The following FBXO15 variants were observed in gnomAD, a reference collection of about 807,000 sequenced individuals.
FBXO15 encodes the protein F-box only protein 15.
Under a neutral mutation model 49.5 loss-of-function variants are expected in FBXO15, and 30 were observed. The ratio of observed to expected loss-of-function variants is 0.61; its 90% CI spans 0.45 to 0.82. FBXO15 has a LOEUF of 0.82. Among genes scored for constraint, FBXO15 ranks in the 40% least tolerant of loss-of-function variants. FBXO15 has a pLI of 0.00. For missense variants in FBXO15, 591 were observed against 631.5 expected (o/e 0.94, Z 0.69); for synonymous variants, 250 against 232.7 (o/e 1.07, Z -0.68).
At chr18:74,102,565 A>C (rs976716286) in intron 8 of FBXO15, among the ~76,000 whole-genome samples, 1 of 152,204 alleles carries the variant, frequency 6.6e-6, no homozygotes, top group Non-Finnish European at 1.5e-5. Flanking sequence ...AAAGAACTAA[A>C]AGTAGAACTA....
At position 74,112,499 on chromosome 18, in the gene FBXO15, G is replaced by A. The variant is rs750697834; in HGVS notation, c.1138+10869C>T. ...AATCCAGGAAAAAAACAGGAATACAGGGGAACTTTCTCAACTTAATAAAGA... is the reference window on the plus strand; with the variant it reads ...AATCCAGGAAAAAAACAGGAATACAAGGGAACTTTCTCAACTTAATAAAGA... On this transcript the variant is annotated intron_variant, in intron 8 of 9. Coordinates refer to ENST00000419743, the MANE Select transcript of FBXO15 (RefSeq NM_001142958.2). Among the ~76,000 whole-genome samples the A allele has an allele frequency of 2.8e-4, 42 of 152,086 alleles. 1 individual carries two copies. The highest frequency in any genetic ancestry group is 2.2e-3 in the Admixed American group (34 of 15,250).
In FBXO15 at chr18:74,129,627, A is replaced by G; in HGVS notation, c.576-13T>C. The G allele has an allele frequency of 6.3e-7, 1 of 1,593,642 alleles. No homozygotes were observed. Among genetic ancestry groups the G allele is most frequent in the Non-Finnish European group, 8.5e-7 (1 of 1,172,442 alleles). On this transcript the variant is annotated splice_polypyrimidine_tract_variant and intron_variant, in intron 4 of 9. Coordinates refer to ENST00000419743, the MANE Select transcript of FBXO15 (RefSeq NM_001142958.2). ...TAAACCAAATATTCTGGAGAAAGAA[A>G]AAAAAACTAACAATGTTTGCCTCAT...
intron 8 of FBXO15, among the ~76,000 whole-genome samples, chr18:74,111,261 CA>C (rs60236226): frequency 0.2 from 16,908 of 84,224 alleles, 2,166 homozygotes; most frequent in African/African-American, 0.47. Context: ...GTCTCTGTCT[CA>C]AAAAAAAAAA....
intron 9 of FBXO15, among the ~76,000 whole-genome samples, chr18:74,077,645 G>A (rs545649051): frequency 6.6e-6 from 1 of 152,242 alleles, no homozygotes; most frequent in Admixed American, 6.5e-5. Flanking sequence ...AGCAGGTGGG[G>A]AATAAGAAAA....
intron 2 of FBXO15, among the ~76,000 whole-genome samples, chr18:74,136,222 C>T (rs1308892219): frequency 6.6e-6 from 1 of 152,170 alleles, no homozygotes; most frequent in African/African-American, 2.4e-5. Context: ...TGCTCTGTTA[C>T]TCAGGCTAGA....
At chr18:74,129,705 A>G in intron 4 of FBXO15, 91 bp from the exon 5 acceptor site, 1 of 1,076,398 alleles carries the variant, frequency 9.3e-7, no homozygotes, top group Non-Finnish European at 1.3e-6. Context: ...TAAAGCATCT[A>G]GTTCCTTAAA....
chr18:74,101,325 G>C (rs1913509695), intron 8 of FBXO15, among the ~76,000 whole-genome samples: 1 of 152,116 alleles, frequency 6.6e-6, no homozygotes, highest in African/African-American at 2.4e-5. Context: ...CATCTCAGTA[G>C]ATGCTGTAAA....
intron 3 of FBXO15, among the ~76,000 whole-genome samples, chr18:74,135,186 G>A (rs533168445): frequency 6.6e-6 from 1 of 152,238 alleles, no homozygotes; most frequent in East Asian, 1.9e-4. Context: ...GATGACCACA[G>A]GTGAACCCCT....
intron 5 of FBXO15, among the ~76,000 whole-genome samples, chr18:74,126,805 A>G (rs1978289945): frequency 6.6e-6 from 1 of 152,268 alleles, no homozygotes; most frequent in Non-Finnish European, 1.5e-5. Flanking sequence ...GCTGCAGTCC[A>G]GCTTCAAAGT....
rs779530288 is a variant in FBXO15, at chr18:74,126,097, G to A, written c.790C>T (p.Arg264Ter). 18 of 1,613,370 alleles carry A rather than the reference G, an allele frequency of 1.1e-5. No homozygotes were observed. Among genetic ancestry groups the A allele is most frequent in the African/African-American group, 1.1e-4 (8 of 74,870 alleles). Residue 264 changes from arginine (R) to a stop codon, truncating the protein, a stop_gained, in exon 6 of 10, where the codon CGA (arginine) becomes TGA (stop). Transcript: ENST00000419743. LOFTEE classifies it high-confidence loss of function. ...TACTTTGCAATTAAAGAATGCCATC[G>A]GAGTCTTTGAACGTTATGCCAAGGA... The part of the protein sequence containing the change: ...WYKTPTKHRL[R>*]WHSLIAKYNL...
At position 74,075,795 on chromosome 18, in the gene FBXO15, T is replaced by C. The variant is rs1487620273; in HGVS notation, c.1264-2065A>G. Among the ~76,000 whole-genome samples the C allele has an allele frequency of 6.6e-6, 1 of 152,160 alleles. No homozygotes were observed. Among genetic ancestry groups the C allele is most frequent in the Non-Finnish European group, 1.5e-5 (1 of 68,028 alleles). ...CCCTGCAGCTCTCTACCCACTCCCA[T>C]TGCTGAGGTTCCTACAGCTTGGTCC... On this transcript the variant is annotated intron_variant, in intron 9 of 9. Transcript: ENST00000419743. The surrounding 1 kb of genome is among the most constrained non-coding windows in gnomAD (Gnocchi z 4.1).
chr18:74,131,324 C>T (rs965382627), intron 3 of FBXO15, among the ~76,000 whole-genome samples: 11 of 152,188 alleles, frequency 7.2e-5, no homozygotes, highest in African/African-American at 2.7e-4. Flanking sequence ...GTCCCCACTG[C>T]ATAGATGCTG....
At chr18:74,144,028 C>A (rs9952120) in intron 1 of FBXO15, among the ~76,000 whole-genome samples, 5,799 of 152,272 alleles carry the variant, frequency 0.038, 362 homozygotes, top group African/African-American at 0.13. Context: ...GCCTGGCATG[C>A]GAGCAGCATT....
chr18:74,114,465 T>C (rs1914147561), intron 8 of FBXO15, among the ~76,000 whole-genome samples: 1 of 152,158 alleles, frequency 6.6e-6, no homozygotes, highest in Admixed American at 6.6e-5. Context: ...GTCCTCCTAG[T>C]GAATCACTGA....
chr18:74,092,543 A>T (rs1481214003), intron 8 of FBXO15, among the ~76,000 whole-genome samples: 1 of 152,034 alleles, frequency 6.6e-6, no homozygotes, highest in African/African-American at 2.4e-5. Flanking sequence ...TCCTTTGGAT[A>T]GCTGTATGTT....
At chr18:74,125,821 T>G (rs1914684614) in intron 6 of FBXO15, among the ~76,000 whole-genome samples, 154 bp downstream of exon 6, 1 of 152,114 alleles carries the variant, frequency 6.6e-6, no homozygotes, top group African/African-American at 2.4e-5. Flanking sequence ...GAGGGCCATG[T>G]TAGCTTGAAA....
Position 74,136,192 on chromosome 18 carries a change from T to C in FBXO15, c.228-326A>G, listed in dbSNP as rs138777853. ...GAAACTGTGTATTTTTTTATTATTA[T>C]TTTTGTAGAGATAGGGTCTTGCTCT... On this transcript the variant is annotated intron_variant, in intron 2 of 9. Coordinates refer to ENST00000419743, the MANE Select transcript of FBXO15 (RefSeq NM_001142958.2). Among the ~76,000 whole-genome samples, 45 of 152,292 alleles carry C rather than the reference T, an allele frequency of 3.0e-4. No individual in the cohort carries two copies. In the East Asian group the frequency reaches 7.9e-3, roughly 27 times the overall value.
At chr18:74,145,514 G>A (rs1322348046) in intron 1 of FBXO15, among the ~76,000 whole-genome samples, 1 of 150,914 alleles carries the variant, frequency 6.6e-6, no homozygotes, top group African/African-American at 2.5e-5. Context: ...TGTCTTACAT[G>A]AGACCATACA....
chr18:74,143,270 C>T (rs1162269000), intron 1 of FBXO15, among the ~76,000 whole-genome samples: 2 of 151,996 alleles, frequency 1.3e-5, no homozygotes, highest in East Asian at 3.8e-4. Context: ...AATAAGAAGC[C>T]AGAAAAATAA....
Sources: gnomAD v4.1 joint callset for allele counts (sites outside exome capture counted in the v4.1 genomes callset) on GRCh38, gnomAD v4.1.1 for gene constraint, Gnocchi (gnomAD v3.1) non-coding constraint, MANE v1.5 for transcripts, NCBI Gene and HGNC (gene_info 2026-07-23, HGNC 2026-07-21) for gene names.